SENP7: variants seen among roughly 807,000 people sequenced by gnomAD.
SENP7 encodes the protein sentrin-specific protease 7.
SENP7 carries 64 observed loss-of-function variants against 141.2 expected under a neutral mutation model. That is an observed-to-expected ratio of 0.45 (90% CI 0.37 to 0.56). The LOEUF (loss-of-function observed/expected upper bound fraction) is 0.56. Ranked by LOEUF, SENP7 falls within the 20% of genes least tolerant of loss-of-function variation. The pLI, the probability that SENP7 is intolerant of heterozygous loss-of-function variation, is 0.00. For missense variants in SENP7, 1,025 were observed against 1,212.2 expected, an observed-to-expected ratio of 0.85 and a Z score of 2.29; for synonymous variants, 382 against 426.4, an observed-to-expected ratio of 0.90 and a Z score of 1.28.
At chr3:101,422,888 T>A (rs577105326) in intron 4 of SENP7, among the ~76,000 whole-genome samples, 49 of 152,290 alleles carry the variant, frequency 3.2e-4, no homozygotes, top group East Asian at 2.5e-3. Context: ...CTCAATTTTT[T>A]AAAAATTTTT....
At chr3:101,484,594 T>C (rs1242365775) in intron 3 of SENP7, among the ~76,000 whole-genome samples, 1 of 152,132 alleles carries the variant, frequency 6.6e-6, no homozygotes, top group Admixed American at 6.5e-5. Context: ...GACCTCCCTC[T>C]CCCGAACACG....
chr3:101,453,589 C>G lies in SENP7; in HGVS notation c.284+5366G>C, dbSNP rs1457752395. On this transcript the variant is annotated intron_variant, in intron 4 of 23. Transcript: ENST00000394095. ...TAGGGACATGGATGAAGCTGGAAACCATCATTCTCAGTAAACTATCGCAAG... is the reference window on the plus strand; with the variant it reads ...TAGGGACATGGATGAAGCTGGAAACGATCATTCTCAGTAAACTATCGCAAG... Among the ~76,000 whole-genome samples the G allele has an allele frequency of 2.0e-5, 3 of 152,018 alleles. No homozygotes were observed. The East Asian group carries it at 5.8e-4, about 29-fold the overall frequency.
chr3:101,461,807 T>C (rs2063556329), intron 3 of SENP7, among the ~76,000 whole-genome samples: 1 of 152,174 alleles, frequency 6.6e-6, no homozygotes, highest in African/African-American at 2.4e-5. Flanking sequence ...ATCCATACAA[T>C]GGAATATTAT....
At chr3:101,463,229 G>A (rs577629684) in intron 3 of SENP7, among the ~76,000 whole-genome samples, 30 of 151,674 alleles carry the variant, frequency 2.0e-4, no homozygotes, top group African/African-American at 6.8e-4. Flanking sequence ...CATGTCTGTA[G>A]TCCCAGCTAC....
chr3:101,446,896 A>G (rs1298564284), intron 4 of SENP7, among the ~76,000 whole-genome samples: 1 of 152,174 alleles, frequency 6.6e-6, no homozygotes, highest in Non-Finnish European at 1.5e-5. Flanking sequence ...TAGTAGGAGG[A>G]AAGAAATGGT....
chr3:101,420,134 A>G (rs935449807), intron 4 of SENP7, among the ~76,000 whole-genome samples: 1 of 152,200 alleles, frequency 6.6e-6, no homozygotes, highest in Non-Finnish European at 1.5e-5. Flanking sequence ...TTGGGAGGCC[A>G]AGGCAGGTGG....
intron 5 of SENP7, among the ~76,000 whole-genome samples, chr3:101,416,336 A>G (rs1018945351): frequency 2.6e-5 from 4 of 152,244 alleles, no homozygotes; most frequent in South Asian, 2.1e-4. Context: ...GAGAGAATGG[A>G]CTACCACACT....
At chr3:101,399,804 T>C (rs752881210) in intron 5 of SENP7, among the ~76,000 whole-genome samples, 17 of 152,182 alleles carry the variant, frequency 1.1e-4, no homozygotes, top group Non-Finnish European at 2.1e-4. Context: ...TTTTTTATTT[T>C]CTGTAGTGAC....
chr3:101,478,459 T>C lies in SENP7; in HGVS notation c.186+15414A>G, dbSNP rs144101119. Among the ~76,000 whole-genome samples the C allele has an allele frequency of 1.4e-4, 22 of 152,180 alleles. No homozygotes were observed. The East Asian group carries it at 4.3e-3, about 29-fold the overall frequency. On this transcript the variant is annotated intron_variant, in intron 3 of 23. Coordinates refer to ENST00000394095, the MANE Select transcript of SENP7 (RefSeq NM_020654.5). ...TCACTTGAGCCCAGGAATTCTAAGC[T>C]AGGCTACAAGGAGAATGATCATGCC...
chr3:101,425,293 GCCC>G (rs1446327603), intron 4 of SENP7, among the ~76,000 whole-genome samples: 3 of 152,102 alleles, frequency 2.0e-5, no homozygotes, highest in Non-Finnish European at 4.4e-5. Context: ...GAGCACCTCA[GCCC>G]CCCAACACAG....
At chr3:101,392,125 A>T (rs1007058932) in intron 6 of SENP7, among the ~76,000 whole-genome samples, 35 of 152,230 alleles carry the variant, frequency 2.3e-4, no homozygotes, top group African/African-American at 7.7e-4. Flanking sequence ...TGATTGAATA[A>T]AATCTGGAAG....
At position 101,325,076 on chromosome 3, in the gene SENP7, C is replaced by A. The variant is rs2058863956; in HGVS notation, c.*867G>T. On this transcript the variant is annotated 3_prime_UTR_variant, in exon 24 of 24. Transcript: ENST00000394095. ...ATTAATAAATAGGACTGAGGGTTTTCTTTGTTAAAGTTATGAGGACACCAA... is the reference window on the plus strand; with the variant it reads ...ATTAATAAATAGGACTGAGGGTTTTATTTGTTAAAGTTATGAGGACACCAA... 1 of 151,898 alleles carries A rather than the reference C, an allele frequency of 6.6e-6. No homozygotes were observed. Among genetic ancestry groups the A allele is most frequent in the Non-Finnish European group, 1.5e-5 (1 of 67,952 alleles). 9.4% of individuals were successfully genotyped at this position (151,898 alleles called of 1,614,324 possible).
intron 17 of SENP7, among the ~76,000 whole-genome samples, chr3:101,336,106 T>C (rs556377097): frequency 7.4e-4 from 113 of 152,188 alleles, no homozygotes; most frequent in African/African-American, 2.4e-3. Context: ...ACAGAAAGAG[T>C]TGAACTTTGA....
intron 3 of SENP7, among the ~76,000 whole-genome samples, chr3:101,474,109 T>C (rs967935597): frequency 6.6e-6 from 1 of 151,542 alleles, no homozygotes; most frequent in African/African-American, 2.4e-5. Context: ...TAGCATAGCT[T>C]GAAGTTGGAT....
At chr3:101,362,035 A>G (rs571073436) in intron 10 of SENP7, among the ~76,000 whole-genome samples, 174 bp from the exon 11 acceptor site, 18 of 152,296 alleles carry the variant, frequency 1.2e-4, no homozygotes, top group African/African-American at 3.8e-4. Flanking sequence ...GAAAAAATAT[A>G]TGACTTACCT....
At chr3:101,478,355 C>CA (rs139183541) in intron 3 of SENP7, among the ~76,000 whole-genome samples, 5 of 151,258 alleles carry the variant, frequency 3.3e-5, no homozygotes, top group Non-Finnish European at 5.9e-5. Context: ...CCACCTCTAC[C>CA]AAAAAAAAAT....
chr3:101,402,259 A>T (rs1320596549), intron 5 of SENP7, among the ~76,000 whole-genome samples: 1 of 152,158 alleles, frequency 6.6e-6, no homozygotes, highest in Non-Finnish European at 1.5e-5. Context: ...TTAGGGGCTA[A>T]TGAAGCTGGT....
chr3:101,510,616 G>T (rs2065812402), intron 1 of SENP7, among the ~76,000 whole-genome samples: 1 of 152,002 alleles, frequency 6.6e-6, no homozygotes, highest in African/African-American at 2.4e-5. Context: ...ACTTTGGGAG[G>T]CCGAGGCAAG....
intron 5 of SENP7, among the ~76,000 whole-genome samples, chr3:101,412,729 T>G (rs561435515): frequency 1.3e-5 from 2 of 152,198 alleles, no homozygotes; most frequent in African/African-American, 4.8e-5. Context: ...CTCAAAAGCC[T>G]TGTATAAGTG....
Sources: allele counts gnomAD v4.1 joint callset (sites outside exome capture counted in the v4.1 genomes callset), GRCh38; gene constraint gnomAD v4.1.1; transcripts MANE v1.5; gene names NCBI Gene and HGNC (gene_info 2026-07-23, HGNC 2026-07-21).